Variants in PRR14 observed in about 807,000 individuals in gnomAD.
PRR14 encodes the protein proline rich 14.
A neutral mutation model predicts 57.2 loss-of-function variants in PRR14; 33 were observed. The observed-to-expected ratio is 0.58, with a 90% CI of 0.44 to 0.77. The LOEUF (loss-of-function observed/expected upper bound fraction) is 0.77. PRR14 is among the 30% of genes least tolerant of loss of function. The probability of loss-of-function intolerance (pLI) is 0.00; values close to 1 mark genes in which losing one functional copy is unlikely to be tolerated. For synonymous variants in PRR14, 303 were observed against 314.7 expected, an observed-to-expected ratio of 0.96 and a Z score of 0.39; for missense variants, 716 against 788.1, an observed-to-expected ratio of 0.91 and a Z score of 1.10.
Position 30,655,141 on chromosome 16 carries a change from G to A in PRR14, c.1171G>A (p.Gly391Arg). The change falls in exon 8 of 12, where the codon GGA becomes AGA. Residue 391 changes from glycine to arginine, a missense_variant. By Grantham distance (125) the Gly-to-Arg change is moderately radical (BLOSUM62 -2). Transcript: ENST00000300835. This position sits in a 1 kb window ranked among gnomAD's most constrained non-coding sequence, Gnocchi z 4.6. ...AGAGGTCTTCCCTCTCGGAGGAGTG[G>A]GAGCCTCCCCTTCTCTCACCACATC... is the stretch of plus-strand genomic sequence containing the variant. Reference protein sequence around the residue: ...RKEVFPLGGVGASPSLTTSCS... With the variant: ...RKEVFPLGGVRASPSLTTSCS... 6.2e-7 allele frequency: 1 copy of A among 1,610,104 alleles called. No homozygotes were observed. The highest frequency in any genetic ancestry group is 8.5e-7 in the Non-Finnish European group (1 of 1,179,162).
Position 30,654,159 on chromosome 16 carries a change from G to C in PRR14, c.549-71G>C, listed in dbSNP as rs1323961377. On this transcript the variant is annotated intron_variant, in intron 6 of 11. Transcript: ENST00000300835. ...AAAAAAAAAAGAAGAAGCCTTAAGG[G>C]ATAGGGGAGTTGCTGGCTCAGGTGG... is the stretch of plus-strand genomic sequence containing the variant. 2.9e-6 allele frequency: 3 copies of C among 1,029,196 alleles called. No individual in the cohort carries two copies. In the African/African-American group the frequency reaches 4.8e-5, roughly 16 times the overall value. The allele number at this position is 1,029,196 out of a possible 1,614,324, so 63.8% of individuals were successfully genotyped here.
chr16:30,651,841 A>G lies in PRR14; in HGVS notation c.69A>G (p.Ala23=). ...PRLCRQPLTR[A]LWGARSPKRP... Reference sequence around the variant, plus strand: ...TGTGCCGCCAGCCTCTGACTCGAGCATTATGGGGAGCCAGGAGCCCGAAAC... The same window carrying G: ...TGTGCCGCCAGCCTCTGACTCGAGCGTTATGGGGAGCCAGGAGCCCGAAAC... The change falls in exon 3 of 12, where the codon GCA becomes GCG. Residue 23 remains alanine (A), a synonymous_variant. Coordinates refer to ENST00000300835, the MANE Select transcript of PRR14 (RefSeq NM_024031.5). The surrounding 1 kb of genome is among the most constrained non-coding windows in gnomAD (Gnocchi z 5.0). The G allele has an allele frequency of 1.2e-6, 2 of 1,606,972 alleles. No homozygotes were observed. Among genetic ancestry groups the G allele is most frequent in the Non-Finnish European group, 1.7e-6 (2 of 1,179,156 alleles).
chr16:30,655,435 C>G lies in PRR14; in HGVS notation c.1314+15C>G, dbSNP rs780409182. On this transcript the variant is annotated intron_variant, in intron 9 of 11. Transcript: ENST00000300835. The surrounding 1 kb of genome is among the most constrained non-coding windows in gnomAD (Gnocchi z 4.6). The stretch of plus-strand genomic sequence containing the variant: ...CTGAGACCAAGGTAGGCATTCAGAT[C>G]GGGTAGAAGAGACTAGTGGGGGCCT... The G allele has an allele frequency of 3.1e-6, 5 of 1,614,032 alleles. No homozygotes were observed. In the South Asian group the frequency reaches 4.4e-5, roughly 14 times the overall value.
In PRR14 at chr16:30,654,786, G is replaced by GCCCCCCCCCCCCGGCCC; in HGVS notation, c.821_822insCCCCCCCGGCCCCCCCC (p.Ser277GlyfsTer10). 1 of 1,568,076 alleles carries GCCCCCCCCCCCCGGCCC rather than the reference G, an allele frequency of 6.4e-7. No individual in the cohort carries two copies. The highest frequency in any genetic ancestry group is 8.7e-7 in the Non-Finnish European group (1 of 1,145,196). On this transcript the variant is annotated frameshift_variant, in exon 8 of 12. Coordinates refer to ENST00000300835, the MANE Select transcript of PRR14 (RefSeq NM_024031.5). LOFTEE classifies it high-confidence loss of function. ...TCCTCACGCCCAACAAAACCCCACA[G>GCCCCCCCCCCCCGGCCC]CCCCCACCCCCGTCCCCCCCAATGA...
Position 30,655,493 on chromosome 16 carries a change from T to A in PRR14, c.1315-9T>A, listed in dbSNP as rs756867357. The A allele has an allele frequency of 6.2e-7, 1 of 1,614,098 alleles. No homozygotes were observed. On this transcript the variant is annotated splice_polypyrimidine_tract_variant and intron_variant, in intron 9 of 11. Transcript: ENST00000300835. The surrounding 1 kb of genome is among the most constrained non-coding windows in gnomAD (Gnocchi z 4.6). ...TGTCACTCTTTCACCCTCTGCCCCA[T>A]TTTTGCAGACCATGGGAAAGGTTTC...
rs374913613 is a variant in PRR14, at chr16:30,654,907, C to T, written c.937C>T (p.Arg313Ter). The change falls in exon 8 of 12, where the codon CGA becomes TGA. Residue 313 changes from arginine (R) to a stop codon, truncating the protein, a stop_gained. Transcript: ENST00000300835. LOFTEE classifies it high-confidence loss of function. ...CCCCCGGCCCCCAATCCGCCAGTGG[C>T]GAACTCAGGACCACAATACCCCAGC... is the stretch of plus-strand genomic sequence containing the variant. The part of the protein sequence containing the change: ...VSPRPPIRQW[R>*]TQDHNTPALL... The T allele has an allele frequency of 1.2e-6, 2 of 1,612,708 alleles. No homozygotes were observed. Among genetic ancestry groups the T allele is most frequent in the Non-Finnish European group, 1.7e-6 (2 of 1,179,560 alleles).
intron 11 of PRR14, 27 bp from the exon 12 acceptor site, chr16:30,656,005 A>G: frequency 6.3e-7 from 1 of 1,592,924 alleles, no homozygotes; most frequent in Non-Finnish European, 8.5e-7. Context: ...CCCTGATAAA[A>G]CCAGCTCCTC....
chr16:30,652,374 T>A (rs2052322329), intron 3 of PRR14: 2 of 573,352 alleles, frequency 3.5e-6, no homozygotes, highest in Non-Finnish European at 6.5e-6. Flanking sequence ...ACTCTTCTGC[T>A]TTCTTCCCAG....
Position 30,651,844 on chromosome 16 carries a change from A to T in PRR14, c.72A>T (p.Leu24Phe). 1.2e-6 allele frequency: 2 copies of T among 1,606,894 alleles called. No homozygotes were observed. The highest frequency in any genetic ancestry group is 2.2e-5 in the East Asian group (1 of 44,730). ...GCCGCCAGCCTCTGACTCGAGCATT[A>T]TGGGGAGCCAGGAGCCCGAAACGGC... ...RLCRQPLTRALWGARSPKRPR... is the reference protein window; with the variant it reads ...RLCRQPLTRAFWGARSPKRPR... The change falls in exon 3 of 12, where the codon TTA becomes TTT. Residue 24 changes from leucine (L) to phenylalanine (F), a missense_variant. Leu to Phe is a conservative substitution (Grantham distance 22). Coordinates refer to ENST00000300835, the MANE Select transcript of PRR14 (RefSeq NM_024031.5). This position sits in a 1 kb window ranked among gnomAD's most constrained non-coding sequence, Gnocchi z 5.0.
Position 30,654,300 on chromosome 16 carries a change from T to C in PRR14, c.619T>C (p.Ser207Pro), listed in dbSNP as rs113598315. Residue 207 changes from serine to proline, a missense_variant, in exon 7 of 12, where the codon TCT becomes CCT. Coordinates refer to ENST00000300835, the MANE Select transcript of PRR14 (RefSeq NM_024031.5). ...GGACCTAGAACCCCCATTCCAGCCATCTGCTCTGCCTGCAGACCCTCTGGA... is the reference window on the plus strand; with the variant it reads ...GGACCTAGAACCCCCATTCCAGCCACCTGCTCTGCCTGCAGACCCTCTGGA... ...PGDLEPPFQP[S>P]ALPADPLESP... is the part of the protein sequence containing the mutation. The C allele has an allele frequency of 4.6e-5, 75 of 1,614,034 alleles. No individual in the cohort carries two copies. The African/African-American group carries it at 6.7e-4, about 14-fold the overall frequency.
At position 30,656,235 on chromosome 16, in the gene PRR14, A is replaced by G; in HGVS notation, c.1682A>G (p.Gln561Arg). The change falls in exon 12 of 12, where the codon CAG (glutamine) becomes CGG (arginine). Residue 561 changes from glutamine to arginine, a missense_variant. Transcript: ENST00000300835. ...APSPDVGPLL[Q>R]QRLEELDALL... ...AGCCCTGATGTGGGCCCCCTGCTCC[A>G]GCAGCGGCTGGAGGAGCTAGATGCC... 6.2e-7 allele frequency: 1 copy of G among 1,613,556 alleles called. No individual in the cohort carries two copies. Among genetic ancestry groups the G allele is most frequent in the Non-Finnish European group, 8.5e-7 (1 of 1,180,012 alleles).
intron 5 of PRR14, 104 bp from the exon 6 acceptor site, chr16:30,653,261 T>G: frequency 6.9e-7 from 1 of 1,445,632 alleles, no homozygotes; most frequent in Non-Finnish European, 9.7e-7. Context: ...TAAAAACGTC[T>G]TTGGCGTGAA....
intron 6 of PRR14, 74 bp downstream of exon 6, chr16:30,653,482 ATC>A: frequency 6.9e-7 from 1 of 1,440,274 alleles, no homozygotes; most frequent in South Asian, 1.1e-5. Context: ...AGCTAGGGGC[ATC>A]GGGACTGACT....
rs1254464460 is a variant in PRR14, at chr16:30,655,948, C to T, written c.1478+9C>T. On this transcript the variant is annotated intron_variant, in intron 11 of 11. Coordinates refer to ENST00000300835, the MANE Select transcript of PRR14 (RefSeq NM_024031.5). The surrounding 1 kb of genome is among the most constrained non-coding windows in gnomAD (Gnocchi z 4.6). Reference sequence around the variant, plus strand: ...TCACCCACAACCAGGAGGTGAGACACTTGGAAGGCTAGAGGGTGGCAGAGG... The same window carrying T: ...TCACCCACAACCAGGAGGTGAGACATTTGGAAGGCTAGAGGGTGGCAGAGG... The T allele has an allele frequency of 6.2e-7, 1 of 1,613,698 alleles. No individual in the cohort carries two copies. Among genetic ancestry groups the T allele is most frequent in the Non-Finnish European group, 8.5e-7 (1 of 1,179,722 alleles).
Position 30,654,792 on chromosome 16 carries a change from A to AACC in PRR14, c.822_823insACC (p.Pro274_Pro275insThr). 2.2e-6 allele frequency: 1 copy of AACC among 462,454 alleles called. No homozygotes were observed. Among genetic ancestry groups the AACC allele is most frequent in the Non-Finnish European group, 3.5e-6 (1 of 285,636 alleles). The allele number at this position is 462,454 out of a possible 1,614,324, so 28.6% of individuals were successfully genotyped here. Reference sequence around the variant, plus strand: ...CGCCCAACAAAACCCCACAGCCCCCACCCCCGTCCCCCCCAATGAAGCTGG... The same window carrying AACC: ...CGCCCAACAAAACCCCACAGCCCCCAACCCCCCCGTCCCCCCCAATGAAGCTGG... On this transcript the variant is annotated inframe_insertion, in exon 8 of 12. Coordinates refer to ENST00000300835, the MANE Select transcript of PRR14 (RefSeq NM_024031.5).
At chr16:30,654,052 C>T (rs2052339695) in intron 6 of PRR14, 178 bp from the exon 7 acceptor site, 1 of 615,658 alleles carries the variant, frequency 1.6e-6, no homozygotes. Flanking sequence ...CTGCCTGAGC[C>T]TGGGAGTTCA....
chr16:30,653,418 C>G lies in PRR14; in HGVS notation c.548+10C>G. 1 of 1,612,954 alleles carries G rather than the reference C, an allele frequency of 6.2e-7. No individual in the cohort carries two copies. Among genetic ancestry groups the G allele is most frequent in the Non-Finnish European group, 8.5e-7 (1 of 1,179,182 alleles). ...TCATCCCAGCACAAAGGTGAGAGGG[C>G]TGGAGTAGGGATTATCAAAGGATCC... On this transcript the variant is annotated intron_variant, in intron 6 of 11. Transcript: ENST00000300835.
intron 7 of PRR14, 93 bp downstream of exon 7, chr16:30,654,432 T>C: frequency 8.9e-7 from 1 of 1,128,802 alleles, no homozygotes; most frequent in East Asian, 2.4e-5. Context: ...GGGATAGGGC[T>C]TAAGCCACCT....
At chr16:30,654,463 A>AT in intron 7 of PRR14, 124 bp downstream of exon 7, 1 of 973,800 alleles carries the variant, frequency 1.0e-6, no homozygotes. Flanking sequence ...GGCTTGGTAT[A>AT]TAAAGATGGG....
Sources: allele counts gnomAD v4.1 joint callset, GRCh38; gene constraint gnomAD v4.1.1; non-coding constraint Gnocchi (gnomAD v3.1); transcripts MANE v1.5; gene names NCBI Gene and HGNC (gene_info 2026-07-23, HGNC 2026-07-21).